Variants in ZNF74 observed in about 807,000 individuals in gnomAD.
ZNF74 encodes the protein zinc finger protein 520.
In ZNF74, 12 loss-of-function variants were observed where a neutral mutation model predicts 17.7. The observed-to-expected ratio is 0.68, with a 90% confidence interval of 0.43 to 1.10. The LOEUF is 1.10. ZNF74 is among the 50% of genes least tolerant of loss of function. The pLI, the probability that ZNF74 is intolerant of heterozygous loss-of-function variation, is 0.00. For synonymous variants in ZNF74, 358 were observed against 362.1 expected, an observed-to-expected ratio of 0.99 and a Z score of 0.13; for missense variants, 811 against 881.0, an observed-to-expected ratio of 0.92 and a Z score of 1.01.
rs2052424218 is a variant in ZNF74 at position 20,406,239 on chromosome 22, C to T, written c.1206C>T (p.Ser402=). Residue 402 remains serine (S), a synonymous_variant, in exon 5 of 5, where the codon TCC becomes TCT. Coordinates refer to ENST00000400451, the MANE Select transcript of ZNF74 (RefSeq NM_003426.4). ...GCAAGGCCTTCACCTGCCACTCATC[C>T]CTCACCGTGCATGAGAAGATCCACA... ...SCGKAFTCHS[S]LTVHEKIHSG... is the part of the protein sequence containing the mutation. 1 of 1,612,692 alleles carries T rather than the reference C, an allele frequency of 6.2e-7. No homozygotes were observed. Among genetic ancestry groups the T allele is most frequent in the Non-Finnish European group, 8.5e-7 (1 of 1,179,892 alleles).
rs1469470669 is a variant in ZNF74, at chr22:20,408,198, G to A, written c.*1230G>A. On this transcript the variant is annotated 3_prime_UTR_variant, in exon 5 of 5. Coordinates refer to ENST00000400451, the MANE Select transcript of ZNF74 (RefSeq NM_003426.4). ...GAGCTGTTTTGCAAACCCTGGAAAA[G>A]GCGGCTCTCCCTGTCCCAACACTCT... 1 of 152,180 alleles carries A rather than the reference G, an allele frequency of 6.6e-6. No individual in the cohort carries two copies. The highest frequency in any genetic ancestry group is 1.5e-5 in the Non-Finnish European group (1 of 68,038). The allele number at this position is 152,180 out of a possible 1,614,324, so 9.4% of individuals were successfully genotyped here.
intron 4 of ZNF74, among the ~76,000 whole-genome samples, chr22:20,404,941 A>C (rs956691989): frequency 6.6e-6 from 1 of 152,176 alleles, no homozygotes; most frequent in Non-Finnish European, 1.5e-5. Flanking sequence ...CTCGGTCTCA[A>C]AACAAACAAA....
intron 4 of ZNF74, among the ~76,000 whole-genome samples, chr22:20,403,819 C>T (rs77930355): frequency 0.015 from 2,331 of 151,930 alleles, 56 homozygotes; most frequent in African/African-American, 0.054. Context: ...ATCACATCAC[C>T]CTCTGTGCAA....
chr22:20,394,510 C>T lies in ZNF74; in HGVS notation c.-119C>T. On this transcript the variant is annotated 5_prime_UTR_variant, in exon 1 of 5. Coordinates refer to ENST00000400451, the MANE Select transcript of ZNF74 (RefSeq NM_003426.4). ...TGCAGCTGTGAGCGCGTGGCCGCCC[C>T]GCGGGGCTCCGCTGCAGGCCCCTCA... The T allele has an allele frequency of 9.1e-7, 1 of 1,096,792 alleles. No homozygotes were observed. The highest frequency in any genetic ancestry group is 1.3e-6 in the Non-Finnish European group (1 of 742,106). 67.9% of individuals were successfully genotyped at this position (1,096,792 alleles called of 1,614,324 possible).
At chr22:20,398,447 A>T (rs966704231) in intron 2 of ZNF74, among the ~76,000 whole-genome samples, 7 of 151,892 alleles carry the variant, frequency 4.6e-5, no homozygotes, top group African/African-American at 1.7e-4. Flanking sequence ...CAGTTTGCTT[A>T]TCCATTCACC....
chr22:20,405,554 T>TC lies in ZNF74; in HGVS notation c.524dup (p.Val176CysfsTer33). 1 of 1,609,232 alleles carries TC rather than the reference T, an allele frequency of 6.2e-7. No homozygotes were observed. The highest frequency in any genetic ancestry group is 8.5e-7 in the Non-Finnish European group (1 of 1,177,446). ...CCCGCACCTGCCATGGTCTGGGACG[T>TC]CCCTGTAGAGGAATTCCCCCTCAGG... On this transcript the variant is annotated frameshift_variant, in exon 5 of 5. Transcript: ENST00000400451. LOFTEE classifies it low-confidence loss of function (END_TRUNC).
rs757029970 is a variant in ZNF74 at position 20,405,969 on chromosome 22, C to G, written c.936C>G (p.Ala312=). 2 of 1,613,716 alleles carry G rather than the reference C, an allele frequency of 1.2e-6. No homozygotes were observed. The highest frequency in any genetic ancestry group is 1.7e-6 in the Non-Finnish European group (2 of 1,179,938). The change falls in exon 5 of 5, where the codon GCC becomes GCG. Residue 312 remains alanine (A), a synonymous_variant. Coordinates refer to ENST00000400451, the MANE Select transcript of ZNF74 (RefSeq NM_003426.4). ...KPFFCGECGK[A]FSCHSSLNVH... ...TCTTCTGCGGCGAGTGCGGGAAGGC[C>G]TTCAGCTGCCACTCGTCCCTCAACG... is the stretch of plus-strand genomic sequence containing the variant.
rs1477421069 is a variant in ZNF74, at chr22:20,394,317, C to T, written c.-312C>T. On this transcript the variant is annotated 5_prime_UTR_variant, in exon 1 of 5. Transcript: ENST00000400451. ...CTGGCCGCGGAACCTTAGGCCTGGC[C>T]CTGGTCTCCGAGCGCGGGTTCGCCG... The T allele has an allele frequency of 1.4e-6, 1 of 698,296 alleles. No individual in the cohort carries two copies. The highest frequency in any genetic ancestry group is 2.1e-5 in the Admixed American group (1 of 47,876). 43.3% of individuals were successfully genotyped at this position (698,296 alleles called of 1,614,324 possible).
chr22:20,400,377 G>GT, intron 2 of ZNF74: 1 of 472,294 alleles, frequency 2.1e-6, no homozygotes, highest in Non-Finnish European at 3.9e-6. Context: ...AAGTTGCCAG[G>GT]GCCCTGTGGT....
rs140055619 is a variant in ZNF74 at position 20,401,493 on chromosome 22, G to T, written c.343+121G>T. 1.5e-5 allele frequency: 10 copies of T among 672,744 alleles called. No homozygotes were observed. The highest frequency in any genetic ancestry group is 2.4e-5 in the Non-Finnish European group (9 of 377,864). The allele number at this position is 672,744 out of a possible 1,614,324, so 41.7% of individuals were successfully genotyped here. On this transcript the variant is annotated intron_variant, in intron 4 of 4. Coordinates refer to ENST00000400451, the MANE Select transcript of ZNF74 (RefSeq NM_003426.4). The surrounding 1 kb of genome is among the most constrained non-coding windows in gnomAD (Gnocchi z 4.2). ...TCCATCTCCCCTTTTCAGGTCCCCC[G>T]CCAGACCCTCCTGCCTGCCTCCCTT... is the stretch of plus-strand genomic sequence containing the variant.
At position 20,401,302 on chromosome 22, in the gene ZNF74, G is replaced by T; in HGVS notation, c.273G>T (p.Val91=). The change falls in exon 4 of 5, where the codon GTG becomes GTT. Residue 91 remains valine (V), a synonymous_variant. Transcript: ENST00000400451. This position sits in a 1 kb window ranked among gnomAD's most constrained non-coding sequence, Gnocchi z 4.2. ...ALGPPLHKPD[V]ISHLERGEEP... ...GACCTCCACTGCACAAGCCAGATGT[G>T]ATCTCTCATCTGGAACGAGGCGAGG... 1 of 1,611,940 alleles carries T rather than the reference G, an allele frequency of 6.2e-7. No homozygotes were observed. The highest frequency in any genetic ancestry group is 8.5e-7 in the Non-Finnish European group (1 of 1,179,082).
intron 4 of ZNF74, among the ~76,000 whole-genome samples, chr22:20,402,496 G>A (rs553797185): frequency 6.9e-6 from 1 of 145,486 alleles, no homozygotes; most frequent in South Asian, 2.1e-4. Context: ...CTCTGTGTGC[G>A]GATAGACTTC....
At chr22:20,403,070 C>T (rs999998963) in intron 4 of ZNF74, among the ~76,000 whole-genome samples, 1 of 152,170 alleles carries the variant, frequency 6.6e-6, no homozygotes, top group Non-Finnish European at 1.5e-5. Context: ...AGCGTCCTCA[C>T]GTGATGTTTA....
Position 20,407,231 on chromosome 22 carries a change from T to A in ZNF74, c.*263T>A, listed in dbSNP as rs2052442733. 1 of 492,442 alleles carries A rather than the reference T, an allele frequency of 2.0e-6. No homozygotes were observed. Among genetic ancestry groups the A allele is most frequent in the Admixed American group, 3.8e-5 (1 of 26,566 alleles). The allele number at this position is 492,442 out of a possible 1,614,324, so 30.5% of individuals were successfully genotyped here. On this transcript the variant is annotated 3_prime_UTR_variant, in exon 5 of 5. Coordinates refer to ENST00000400451, the MANE Select transcript of ZNF74 (RefSeq NM_003426.4). ...TTTCCTTGATGGGCCTGGAAGTTGT[T>A]GACAAGGGGAAAGATCTTTCTTGCC...
At chr22:20,396,221 T>C (rs898069315) in intron 2 of ZNF74, among the ~76,000 whole-genome samples, 2 of 151,832 alleles carry the variant, frequency 1.3e-5, no homozygotes, top group Non-Finnish European at 2.9e-5. Context: ...AAAGAGGTGA[T>C]GGCAGATTAT....
intron 1 of ZNF74, 97 bp downstream of exon 1, chr22:20,394,759 A>ATATTT: frequency 8.5e-7 from 1 of 1,178,030 alleles, no homozygotes; most frequent in Non-Finnish European, 1.2e-6. Flanking sequence ...AGCATCCAGC[A>ATATTT]TCTTTTTTTT....
chr22:20,397,769 G>A (rs1307159666), intron 2 of ZNF74, among the ~76,000 whole-genome samples: 2 of 152,146 alleles, frequency 1.3e-5, no homozygotes, highest in African/African-American at 4.8e-5. Flanking sequence ...ACAAAGTATG[G>A]CAGGAGGGCT....
chr22:20,394,776 T>TTTA, intron 1 of ZNF74, 114 bp downstream of exon 1: 2 of 1,003,636 alleles, frequency 2.0e-6, no homozygotes, highest in Non-Finnish European at 3.0e-6. Context: ...TTTTTTTTTT[T>TTTA]AAATGGAATC....
chr22:20,394,284 G>C lies in ZNF74; in HGVS notation c.-345G>C. ...CCTGTCCGCTGGTCGCTCCGCGTCC[G>C]ATGGCTCCTGGCCGCGGAACCTTAG... is the stretch of plus-strand genomic sequence containing the variant. On this transcript the variant is annotated 5_prime_UTR_variant, in exon 1 of 5. Coordinates refer to ENST00000400451, the MANE Select transcript of ZNF74 (RefSeq NM_003426.4). 2.8e-6 allele frequency: 2 copies of C among 706,458 alleles called. No individual in the cohort carries two copies. Among genetic ancestry groups the C allele is most frequent in the Non-Finnish European group, 5.2e-6 (2 of 381,562 alleles). The allele number at this position is 706,458 out of a possible 1,614,324, so 43.8% of individuals were successfully genotyped here. A position where few individuals can be genotyped will look rare whatever the true frequency, so the allele number is the denominator to read the frequency against.
Sources: allele counts gnomAD v4.1 joint callset (sites outside exome capture counted in the v4.1 genomes callset), GRCh38; gene constraint gnomAD v4.1.1; non-coding constraint Gnocchi (gnomAD v3.1); transcripts MANE v1.5; gene names NCBI Gene and HGNC (gene_info 2026-07-23, HGNC 2026-07-21).